Variants in FBXL18 observed in about 807,000 individuals in gnomAD.
FBXL18 encodes F-box/LRR-repeat protein 18.
A neutral mutation model predicts 46.0 loss-of-function variants in FBXL18; 36 were observed. The observed-to-expected ratio is 0.78, with a 90% CI of 0.60 to 1.03. FBXL18 has a LOEUF of 1.03. Ranked by LOEUF, FBXL18 falls within the 50% of genes least tolerant of loss-of-function variation. The pLI is 0.00. For synonymous variants in FBXL18, 557 were observed against 465.3 expected (o/e 1.20, Z -2.54); for missense variants, 977 against 1,004.1 (o/e 0.97, Z 0.36).
At chr7:5,458,784 C>A (rs755881076) in intron 4 of FBXL18, among the ~76,000 whole-genome samples, 86 of 152,054 alleles carry the variant, frequency 5.7e-4, no homozygotes, top group Non-Finnish European at 1.1e-3. Context: ...TCACTTGAAC[C>A]CGGAGGCAAA....
In FBXL18 at chr7:5,479,362, A is replaced by C. The variant is rs1783587794; in HGVS notation, c.*2413T>G. 2 of 152,280 alleles carry C rather than the reference A, an allele frequency of 1.3e-5. No individual in the cohort carries two copies. Among genetic ancestry groups the C allele is most frequent in the African/African-American group, 4.8e-5 (2 of 41,448 alleles). The allele number at this position is 152,280 out of a possible 1,614,324, so 9.4% of individuals were successfully genotyped here. On this transcript the variant is annotated 3_prime_UTR_variant, in exon 5 of 5. Transcript: ENST00000382368. ...CCCGAGTGGGGAATGTTCTGGAGGAAGGAGTGGGGCGGAGCTGCGGTGCCC... is the reference window on the plus strand; with the variant it reads ...CCCGAGTGGGGAATGTTCTGGAGGACGGAGTGGGGCGGAGCTGCGGTGCCC...
intron 4 of FBXL18, among the ~76,000 whole-genome samples, chr7:5,464,570 G>A (rs1007588367): frequency 4.1e-5 from 6 of 145,914 alleles, no homozygotes; most frequent in African/African-American, 7.6e-5. Flanking sequence ...GGCTGGGGCA[G>A]AAGAATTGCT....
rs1784079586 is a variant in FBXL18 at position 5,496,307 on chromosome 7, G to A, written c.1781+4181C>T. 1.3e-5 allele frequency among the ~76,000 whole-genome samples: 2 copies of A among 152,170 alleles called. No homozygotes were observed. The highest frequency in any genetic ancestry group is 4.8e-5 in the African/African-American group (2 of 41,434). ...AGCCCAAAGGTCCCCTCCACCCGCGGTGGCTGCCGTCACCTCTGCCTCTTG... is the reference window on the plus strand; with the variant it reads ...AGCCCAAAGGTCCCCTCCACCCGCGATGGCTGCCGTCACCTCTGCCTCTTG... On this transcript the variant is annotated intron_variant, in intron 3 of 4. Transcript: ENST00000382368. This position sits in a 1 kb window ranked among gnomAD's most constrained non-coding sequence, Gnocchi z 4.8.
rs1783616980 is a variant in FBXL18, at chr7:5,480,548, A to ATATATATATATATATATT, written c.*1226_*1227insAATATATATATATATATA. 2.5e-5 allele frequency: 1 copy of ATATATATATATATATATT among 40,344 alleles called. No homozygotes were observed. The highest frequency in any genetic ancestry group is 9.6e-5 in the African/African-American group (1 of 10,398). 2.5% of individuals were successfully genotyped at this position (40,344 alleles called of 1,614,324 possible). A position where few individuals can be genotyped will look rare whatever the true frequency, so the allele number is the denominator to read the frequency against. The stretch of plus-strand genomic sequence containing the variant: ...GTTGAATATATATATATATATATAT[A>ATATATATATATATATATT]TTTTTTTTTTTTTTTTTTTTTTTTT... On this transcript the variant is annotated 3_prime_UTR_variant, in exon 5 of 5. Transcript: ENST00000382368.
intron 3 of FBXL18, among the ~76,000 whole-genome samples, chr7:5,495,550 T>C (rs900128979): frequency 6.6e-6 from 1 of 152,156 alleles, no homozygotes; most frequent in Non-Finnish European, 1.5e-5. Flanking sequence ...ACCCCCTCCC[T>C]GCCAGGAGCC....
At chr7:5,462,977 TATATATATATATATATATA>T (rs1445191427) in intron 4 of FBXL18, among the ~76,000 whole-genome samples, 396 of 33,610 alleles carry the variant, frequency 0.012, 26 homozygotes, top group Middle Eastern at 0.038. Flanking sequence ...AAAATATATA[TATATATATATATATATATA>T]ATATATATAC....
chr7:5,489,081 T>A, intron 4 of FBXL18: 1 of 311,136 alleles, frequency 3.2e-6, no homozygotes, highest in African/African-American at 2.2e-5. Context: ...GAAGTCAAGA[T>A]CCAAAGCAAA....
At chr7:5,456,632 A>C (rs1335268956) in intron 4 of FBXL18, among the ~76,000 whole-genome samples, 1 of 118,336 alleles carries the variant, frequency 8.5e-6, no homozygotes, top group Admixed American at 8.9e-5. Context: ...AGAGAACTTA[A>C]GGTATGGAAA....
At chr7:5,461,717 G>A (rs753235695) in intron 4 of FBXL18, among the ~76,000 whole-genome samples, 1 of 152,144 alleles carries the variant, frequency 6.6e-6, no homozygotes, top group Non-Finnish European at 1.5e-5. Flanking sequence ...AAGGCGGGCA[G>A]ATCACCTGAG....
At chr7:5,500,382 C>T (rs1784202317) in intron 3 of FBXL18, 106 bp downstream of exon 3, 1 of 1,068,062 alleles carries the variant, frequency 9.4e-7, no homozygotes, top group African/African-American at 1.6e-5. Flanking sequence ...CCGCCCCAGC[C>T]TCTGCACTCC....
intron 1 of FBXL18, among the ~76,000 whole-genome samples, chr7:5,506,400 C>T (rs981523449): frequency 6.6e-6 from 1 of 151,920 alleles, no homozygotes; most frequent in African/African-American, 2.4e-5. Context: ...AGGCGACTGC[C>T]ACCACGCCCA....
intron 4 of FBXL18, among the ~76,000 whole-genome samples, chr7:5,462,335 G>A (rs577734835): frequency 6.6e-6 from 1 of 152,322 alleles, no homozygotes; most frequent in East Asian, 1.9e-4. Context: ...TCACTTGCCC[G>A]AGGCCGGTAC....
intron 4 of FBXL18, among the ~76,000 whole-genome samples, chr7:5,469,360 T>C (rs188249213): frequency 3.7e-3 from 560 of 152,310 alleles, no homozygotes; most frequent in South Asian, 8.9e-3. Context: ...TGCAGTGAGC[T>C]GAGATCGTGC....
At chr7:5,502,552 C>T (rs556276660) in intron 2 of FBXL18, among the ~76,000 whole-genome samples, 182 of 148,362 alleles carry the variant, frequency 1.2e-3, no homozygotes, top group Admixed American at 2.4e-3. Flanking sequence ...AAAAAAAGGC[C>T]GGGCCCGGTG....
chr7:5,465,333 T>C (rs936856673), intron 4 of FBXL18, among the ~76,000 whole-genome samples: 11 of 151,786 alleles, frequency 7.2e-5, no homozygotes, highest in African/African-American at 2.4e-4. Flanking sequence ...CCCAAGTAAC[T>C]GGGACTACAG....
At chr7:5,465,004 AG>A (rs1307220543) in intron 4 of FBXL18, among the ~76,000 whole-genome samples, 2 of 152,238 alleles carry the variant, frequency 1.3e-5, no homozygotes, top group African/African-American at 4.8e-5. Flanking sequence ...TGGAGGTTGC[AG>A]TGAGCCGAGA....
In FBXL18 at chr7:5,479,021, T is replaced by C. The variant is rs1263077173; in HGVS notation, c.*2754A>G. 6.6e-6 allele frequency: 1 copy of C among 152,152 alleles called. No individual in the cohort carries two copies. The highest frequency in any genetic ancestry group is 2.4e-5 in the African/African-American group (1 of 41,416). 9.4% of individuals were successfully genotyped at this position (152,152 alleles called of 1,614,324 possible). ...GCAGAATATAAATTGCAACTAACGC[T>C]GGTGCCAAAATAGCACTTAGAGAAA... On this transcript the variant is annotated 3_prime_UTR_variant, in exon 5 of 5. Coordinates refer to ENST00000382368, the MANE Select transcript of FBXL18 (RefSeq NM_024963.6).
At position 5,476,404 on chromosome 7, in the gene FBXL18, G is replaced by A. The variant is rs1783514785; in HGVS notation, c.*5371C>T. On this transcript the variant is annotated 3_prime_UTR_variant, in exon 5 of 5. Coordinates refer to ENST00000382368, the MANE Select transcript of FBXL18 (RefSeq NM_024963.6). Reference sequence around the variant, plus strand: ...TTCCCAGGTCCACTGATCTGGGGTAGGAGTAGCCAAGTGTTCTGACAGGCG... The same window carrying A: ...TTCCCAGGTCCACTGATCTGGGGTAAGAGTAGCCAAGTGTTCTGACAGGCG... The A allele has an allele frequency of 6.6e-6, 1 of 152,204 alleles. No individual in the cohort carries two copies. The highest frequency in any genetic ancestry group is 2.4e-5 in the African/African-American group (1 of 41,430). 9.4% of individuals were successfully genotyped at this position (152,204 alleles called of 1,614,324 possible).
chr7:5,467,540 C>T (rs1481064116), intron 4 of FBXL18, among the ~76,000 whole-genome samples: 2 of 149,896 alleles, frequency 1.3e-5, no homozygotes, highest in East Asian at 3.9e-4. Context: ...AGTGAGACTC[C>T]GTCTCCAAAA....
Sources: allele counts gnomAD v4.1 joint callset (sites outside exome capture counted in the v4.1 genomes callset), GRCh38; gene constraint gnomAD v4.1.1; non-coding constraint Gnocchi (gnomAD v3.1); transcripts MANE v1.5; gene names NCBI Gene and HGNC (gene_info 2026-07-23, HGNC 2026-07-21).